Variants in CSMD1 observed in about 807,000 individuals in gnomAD.
The protein encoded by CSMD1 is CUB and sushi domain-containing protein 1.
CSMD1 carries 213 observed loss-of-function variants against 417.5 expected under a neutral mutation model. That is an observed-to-expected ratio of 0.51 (90% CI 0.46 to 0.57). CSMD1 has a LOEUF of 0.57. Among genes scored for constraint, CSMD1 ranks in the 20% least tolerant of loss-of-function variants. The probability of loss-of-function intolerance (pLI) is 0.00; values close to 1 mark genes in which losing one functional copy is unlikely to be tolerated. For synonymous variants in CSMD1, 2,862 were observed against 1,736.8 expected, an observed-to-expected ratio of 1.65 and a Z score of -16.11; for missense variants, 6,923 against 4,529.7, an observed-to-expected ratio of 1.53 and a Z score of -15.17.
At chr8:3,997,853 A>C (rs1300696646) in intron 5 of CSMD1, 50 bp downstream of exon 5, 1 of 1,429,242 alleles carries the variant, frequency 7.0e-7, no homozygotes, top group Non-Finnish European at 9.7e-7. Context: ...GGGGGAAAAA[A>C]CGGGGAAAAC....
At chr8:3,060,672 A>T (rs1812536160) in intron 49 of CSMD1, among the ~76,000 whole-genome samples, 1 of 152,172 alleles carries the variant, frequency 6.6e-6, no homozygotes, top group Admixed American at 6.5e-5. Context: ...AGGTATTTCA[A>T]ATCTGATACA....
intron 5 of CSMD1, among the ~76,000 whole-genome samples, chr8:3,847,099 C>G (rs997769839): frequency 6.6e-6 from 1 of 152,058 alleles, no homozygotes; most frequent in Non-Finnish European, 1.5e-5. Context: ...CTAAGAGGAC[C>G]TCCATGCTCC....
At chr8:4,694,988 C>G (rs78542190) in intron 1 of CSMD1, among the ~76,000 whole-genome samples, 7,680 of 152,076 alleles carry the variant, frequency 0.051, 207 homozygotes, top group East Asian at 0.093. Context: ...CATTAAAATA[C>G]GAAGGTATTA....
At chr8:3,942,702 T>A (rs919523576) in intron 5 of CSMD1, among the ~76,000 whole-genome samples, 2 of 152,218 alleles carry the variant, frequency 1.3e-5, no homozygotes, top group African/African-American at 4.8e-5. Context: ...CCTTTTAAAT[T>A]TCTGTGTTCT....
chr8:3,955,265 C>A lies in CSMD1; in HGVS notation c.818+42638G>T, dbSNP rs561969329. Among the ~76,000 whole-genome samples the A allele has an allele frequency of 5.2e-4, 79 of 152,284 alleles. 2 individuals carry two copies. The highest frequency in any genetic ancestry group is 4.5e-3 in the Admixed American group (69 of 15,296). The stretch of plus-strand genomic sequence containing the variant: ...AGATCCCACCGGCAATGCCAACCAA[C>A]ATGCAAAAGAGGCATGCAGTGTCAA... On this transcript the variant is annotated intron_variant, in intron 5 of 69. Coordinates refer to ENST00000635120, the MANE Select transcript of CSMD1 (RefSeq NM_033225.6).
chr8:4,841,892 C>G (rs1024738047), intron 1 of CSMD1, among the ~76,000 whole-genome samples: 12 of 22,362 alleles, frequency 5.4e-4, no homozygotes, highest in African/African-American at 2.6e-3. Flanking sequence ...GCCGGGGCAA[C>G]AAGAGCAAAA....
chr8:4,046,608 T>G (rs569227054), intron 3 of CSMD1, among the ~76,000 whole-genome samples: 2 of 152,326 alleles, frequency 1.3e-5, no homozygotes, highest in African/African-American at 4.8e-5. Context: ...CTGTTGATTG[T>G]TGAGTCTTGA....
At chr8:3,361,431 A>C (rs570601996) in intron 20 of CSMD1, among the ~76,000 whole-genome samples, 155 of 152,208 alleles carry the variant, frequency 1.0e-3, no homozygotes, top group African/African-American at 3.6e-3. Flanking sequence ...GTTTGAGACC[A>C]GACTGACTAA....
chr8:4,905,225 A>C (rs1805164033), intron 1 of CSMD1, among the ~76,000 whole-genome samples: 1 of 152,118 alleles, frequency 6.6e-6, no homozygotes, highest in Non-Finnish European at 1.5e-5. Context: ...TCATACAGGC[A>C]TTATCTCTCC....
intron 3 of CSMD1, among the ~76,000 whole-genome samples, chr8:4,382,392 G>T (rs999649041): frequency 6.6e-6 from 1 of 152,254 alleles, no homozygotes; most frequent in Admixed American, 6.5e-5. Flanking sequence ...GGAGAGGAGC[G>T]CATGGTCAAT....
At chr8:4,286,226 C>A (rs1023920654) in intron 3 of CSMD1, among the ~76,000 whole-genome samples, 1 of 152,130 alleles carries the variant, frequency 6.6e-6, no homozygotes, top group African/African-American at 2.4e-5. Context: ...TTCCTTCTTG[C>A]CAAGCTCCAT....
rs1802802273 is a variant in CSMD1, at chr8:3,730,818, C to G, written c.932-22327G>C. Among the ~76,000 whole-genome samples, 2 of 152,270 alleles carry G rather than the reference C, an allele frequency of 1.3e-5. 1 individual carries two copies. Among genetic ancestry groups the G allele is most frequent in the Middle Eastern group, 6.8e-3 (2 of 294 alleles). ...ATATTTTGACATGTTCAAAAACAAC[C>G]CCATTCATGTTATGCCAGATATTAG... On this transcript the variant is annotated intron_variant, in intron 6 of 69. Coordinates refer to ENST00000635120, the MANE Select transcript of CSMD1 (RefSeq NM_033225.6).
intron 52 of CSMD1, among the ~76,000 whole-genome samples, chr8:3,015,166 G>A (rs1051888689): frequency 6.6e-6 from 1 of 151,368 alleles, no homozygotes; most frequent in African/African-American, 2.4e-5. Context: ...TTTGGTTCTT[G>A]TTTCAAGCAT....
intron 23 of CSMD1, among the ~76,000 whole-genome samples, chr8:3,324,999 G>A (rs529817943): frequency 6.6e-6 from 1 of 151,974 alleles, no homozygotes; most frequent in African/African-American, 2.4e-5. Flanking sequence ...AGCATTTGTT[G>A]TAGAAATACA....
chr8:4,509,006 G>C (rs1041792500), intron 2 of CSMD1, among the ~76,000 whole-genome samples: 1 of 152,028 alleles, frequency 6.6e-6, no homozygotes, highest in African/African-American at 2.4e-5. Context: ...TGTGTTACCA[G>C]GGTGAGAAAA....
chr8:4,694,344 CT>C (rs550722091), intron 1 of CSMD1, among the ~76,000 whole-genome samples: 3 of 151,864 alleles, frequency 2.0e-5, no homozygotes, highest in African/African-American at 2.4e-5. Flanking sequence ...CAAAGTACTT[CT>C]TTTTTTTATT....
chr8:4,089,044 G>A lies in CSMD1; in HGVS notation c.416-56945C>T, dbSNP rs558621672. Among the ~76,000 whole-genome samples, 6 of 152,312 alleles carry A rather than the reference G, an allele frequency of 3.9e-5. No homozygotes were observed. In the South Asian group the frequency reaches 8.3e-4, roughly 21 times the overall value. ...AAAACTTATTCTTGTAGAGAATGAAGATATTCTGGTCTTGCCGCCAGAGCT... is the reference window on the plus strand; with the variant it reads ...AAAACTTATTCTTGTAGAGAATGAAAATATTCTGGTCTTGCCGCCAGAGCT... On this transcript the variant is annotated intron_variant, in intron 3 of 69. Coordinates refer to ENST00000635120, the MANE Select transcript of CSMD1 (RefSeq NM_033225.6).
At position 4,744,519 on chromosome 8, in the gene CSMD1, A is replaced by T. The variant is rs1471418; in HGVS notation, c.86-106961T>A. Among the ~76,000 whole-genome samples, 861 of 152,272 alleles carry T rather than the reference A, an allele frequency of 5.7e-3. 11 individuals carry two copies. The highest frequency in any genetic ancestry group is 0.02 in the African/African-American group (816 of 41,550). On this transcript the variant is annotated intron_variant, in intron 1 of 69. Transcript: ENST00000635120. ...ATAGGTTTTTCTTTGTGATAATGGT[A>T]TATGAATTACCTGTCTATATTTAGA...
rs749861179 is a variant in CSMD1, at chr8:3,047,213, CAAA to C, written c.7660+5246_7660+5248del. Among the ~76,000 whole-genome samples the C allele has an allele frequency of 2.9e-4, 21 of 73,060 alleles. No individual in the cohort carries two copies. The South Asian group carries it at 3.3e-3, about 11-fold the overall frequency. The allele number at this position is 73,060 out of a possible 152,430, so 47.9% of individuals were successfully genotyped here. A position where few individuals can be genotyped will look rare whatever the true frequency, so the allele number is the denominator to read the frequency against. ...CAGGCAACAGTATAAGACTCCCTCT[CAAA>C]AAAAAAAAAAAAAAAAAAAAAAGAG... On this transcript the variant is annotated intron_variant, in intron 50 of 69. Coordinates refer to ENST00000635120, the MANE Select transcript of CSMD1 (RefSeq NM_033225.6).
Sources: gnomAD v4.1 joint callset for allele counts (sites outside exome capture counted in the v4.1 genomes callset) on GRCh38, gnomAD v4.1.1 for gene constraint, MANE v1.5 for transcripts, NCBI Gene and HGNC (gene_info 2026-07-23, HGNC 2026-07-21) for gene names.